The following ALG6 variants were observed in gnomAD, a reference collection of about 807,000 sequenced individuals.
ALG6 encodes ALG6 alpha-1,3-glucosyltransferase.
A neutral mutation model predicts 66.6 loss-of-function variants in ALG6; 46 were observed. The observed-to-expected ratio is 0.69, with a 90% CI of 0.55 to 0.88. ALG6 has a LOEUF of 0.88. ALG6 is among the 40% of genes least tolerant of loss of function. ALG6 has a pLI of 0.00. For missense variants in ALG6, 505 were observed against 586.8 expected (o/e 0.86, Z 1.44); for synonymous variants, 185 against 203.7 (o/e 0.91, Z 0.78).
intron 2 of ALG6, among the ~76,000 whole-genome samples, chr1:63,375,354 C>T (rs1048682137): frequency 3.3e-5 from 5 of 151,882 alleles, no homozygotes; most frequent in Non-Finnish European, 5.9e-5. Context: ...AAGCAATTCT[C>T]CTGCCTCAGC....
In ALG6 at chr1:63,389,746, G is replaced by A. The variant is rs202137105; in HGVS notation, c.83-6767G>A. The stretch of plus-strand genomic sequence containing the variant: ...GCTTTCCAAGTATTCAAAGGGAGTT[G>A]AGTGTTGTCATCCATGGTCGCTGCA... On this transcript the variant is annotated intron_variant, in intron 2 of 14. Transcript: ENST00000263440. Among the ~76,000 whole-genome samples the A allele has an allele frequency of 1.5e-4, 23 of 152,276 alleles. No homozygotes were observed. The East Asian group carries it at 3.9e-3, about 26-fold the overall frequency.
At chr1:63,405,159 T>A (rs1435663815) in intron 5 of ALG6, among the ~76,000 whole-genome samples, 1 of 152,128 alleles carries the variant, frequency 6.6e-6, no homozygotes, top group Non-Finnish European at 1.5e-5. Flanking sequence ...GAGTTTGTTC[T>A]CCTTACAATT....
At chr1:63,419,525 A>G (rs1306555935) in intron 12 of ALG6, 85 bp downstream of exon 12, 6 of 918,216 alleles carry the variant, frequency 6.5e-6, no homozygotes, top group Admixed American at 2.3e-5. Context: ...TGAATGCAAA[A>G]CAAAACTACA....
chr1:63,408,151 G>A (rs374282366), intron 7 of ALG6, among the ~76,000 whole-genome samples: 1 of 152,062 alleles, frequency 6.6e-6, no homozygotes, highest in African/African-American at 2.4e-5. Flanking sequence ...AACTACCCTT[G>A]TACACCTCCC....
At chr1:63,397,208 T>A (rs983277753) in intron 3 of ALG6, among the ~76,000 whole-genome samples, 5 of 151,844 alleles carry the variant, frequency 3.3e-5, no homozygotes, top group African/African-American at 1.2e-4. Flanking sequence ...TTTTTTGAGA[T>A]GGAGTCTCAC....
intron 3 of ALG6, among the ~76,000 whole-genome samples, chr1:63,398,755 T>C (rs1182491210): frequency 6.6e-6 from 1 of 152,112 alleles, no homozygotes; most frequent in Non-Finnish European, 1.5e-5. Flanking sequence ...GATTACAGGC[T>C]TGAGCCACCG....
chr1:63,402,390 C>A, intron 4 of ALG6, 47 bp downstream of exon 4: 1 of 1,275,518 alleles, frequency 7.8e-7, no homozygotes, highest in Non-Finnish European at 1.1e-6. Flanking sequence ...ATGCCCTTGG[C>A]AGATTTAGTA....
In ALG6 at chr1:63,400,325, A is replaced by G. The variant is rs1315580209; in HGVS notation, c.168-1929A>G. ...TATATATGTATATATATATACGTATATATATATATACGTATATATATATGT... is the reference window on the plus strand; with the variant it reads ...TATATATGTATATATATATACGTATGTATATATATACGTATATATATATGT... On this transcript the variant is annotated intron_variant, in intron 3 of 14. Coordinates refer to ENST00000263440, the MANE Select transcript of ALG6 (RefSeq NM_013339.4). 6.6e-4 allele frequency among the ~76,000 whole-genome samples: 17 copies of G among 25,676 alleles called. 3 individuals carry two copies. In the South Asian group the frequency reaches 0.011, roughly 16 times the overall value. 16.8% of individuals were successfully genotyped at this position (25,676 alleles called of 152,430 possible). A position where few individuals can be genotyped will look rare whatever the true frequency, so the allele number is the denominator to read the frequency against.
chr1:63,372,261 ATAACT>A (rs1358938902), intron 2 of ALG6, among the ~76,000 whole-genome samples: 1 of 152,210 alleles, frequency 6.6e-6, no homozygotes, highest in Admixed American at 6.5e-5. Flanking sequence ...TTGTAGAAAA[ATAACT>A]TATGTTAGTG....
At chr1:63,371,183 G>A in intron 2 of ALG6, 124 bp downstream of exon 2, 1 of 684,342 alleles carries the variant, frequency 1.5e-6, no homozygotes, top group Non-Finnish European at 2.6e-6. Flanking sequence ...TGATATGGTT[G>A]AGAAAATACA....
intron 2 of ALG6, among the ~76,000 whole-genome samples, chr1:63,381,458 C>T (rs1648303984): frequency 6.6e-6 from 1 of 151,812 alleles, no homozygotes; most frequent in South Asian, 2.1e-4. Context: ...TCTCAAAAGA[C>T]AAAAACAAAT....
intron 10 of ALG6, among the ~76,000 whole-genome samples, chr1:63,414,754 A>C (rs6689283): frequency 0.54 from 82,718 of 152,026 alleles, 22,989 homozygotes; most frequent in East Asian, 0.68. Context: ...TCCAAGAAGT[A>C]GGAGTAGGAG....
rs538533274 is a variant in ALG6, at chr1:63,423,220, C to T, written c.1058+3780C>T. Among the ~76,000 whole-genome samples, 4 of 152,186 alleles carry T rather than the reference C, an allele frequency of 2.6e-5. No homozygotes were observed. In the East Asian group the frequency reaches 7.8e-4, roughly 30 times the overall value. Reference sequence around the variant, plus strand: ...TGTATTTTTGGAAGAGAAAGGGTTTCACCATGTTGGCCAGGCTGGTCTCGA... The same window carrying T: ...TGTATTTTTGGAAGAGAAAGGGTTTTACCATGTTGGCCAGGCTGGTCTCGA... On this transcript the variant is annotated intron_variant, in intron 12 of 14. Transcript: ENST00000263440.
At chr1:63,381,180 C>T (rs1457295162) in intron 2 of ALG6, among the ~76,000 whole-genome samples, 3 of 151,962 alleles carry the variant, frequency 2.0e-5, no homozygotes, top group African/African-American at 7.3e-5. Context: ...ATTGGCCAGG[C>T]GCGGTGGCTC....
In ALG6 at chr1:63,411,231, T is replaced by G; in HGVS notation, c.580T>G (p.Cys194Gly). 1 of 1,614,034 alleles carries G rather than the reference T, an allele frequency of 6.2e-7. No individual in the cohort carries two copies. Among genetic ancestry groups the G allele is most frequent in the Non-Finnish European group, 8.5e-7 (1 of 1,179,926 alleles). ...DCDLLGSLAF[C>G]LAINYKQMEL... ...CGACCTCCTAGGGTCACTGGCATTT[T>G]GCTTAGCTATAAATTATAAACAGAT... Residue 194 changes from cysteine (C) to glycine (G), a missense_variant, in exon 8 of 15, where the codon TGC becomes GGC. Cys to Gly is a radical substitution (Grantham distance 159). Transcript: ENST00000263440.
rs375706378 is a variant in ALG6 at position 63,407,022 on chromosome 1, A to G, written c.430-40A>G. On this transcript the variant is annotated intron_variant, in intron 6 of 14. Coordinates refer to ENST00000263440, the MANE Select transcript of ALG6 (RefSeq NM_013339.4). ...CACTTTTACCCTGCTTGATTTGTGTAACAGATTACTTTCTTATCTCACAAT... is the reference window on the plus strand; with the variant it reads ...CACTTTTACCCTGCTTGATTTGTGTGACAGATTACTTTCTTATCTCACAAT... 6.1e-6 allele frequency: 9 copies of G among 1,481,426 alleles called. No individual in the cohort carries two copies. The African/African-American group carries it at 1.2e-4, about 21-fold the overall frequency. 91.8% of individuals were successfully genotyped at this position (1,481,426 alleles called of 1,614,324 possible). A position where few individuals can be genotyped will look rare whatever the true frequency, so the allele number is the denominator to read the frequency against.
chr1:63,377,818 T>C (rs914412029), intron 2 of ALG6, among the ~76,000 whole-genome samples: 1 of 152,172 alleles, frequency 6.6e-6, no homozygotes, highest in Non-Finnish European at 1.5e-5. Context: ...ATTGCAGCCT[T>C]GACTTCCTGG....
intron 1 of ALG6, 33 bp from the exon 2 acceptor site, chr1:63,370,738 G>A: frequency 1.9e-6 from 1 of 523,146 alleles, no homozygotes; most frequent in Non-Finnish European, 3.4e-6. Context: ...ACTGTACTCA[G>A]CTGAATCTTG....
In ALG6 at chr1:63,429,023, T is replaced by C; in HGVS notation, c.1223T>C (p.Phe408Ser). The change falls in exon 14 of 15, where the codon TTT becomes TCT. Residue 408 changes from phenylalanine to serine, a missense_variant. By Grantham distance (155) the Phe-to-Ser change is radical. Coordinates refer to ENST00000263440, the MANE Select transcript of ALG6 (RefSeq NM_013339.4). ...FIACVTSFSI[F>S]EKTSEEELQL... ...GCTTGTGTAACTTCCTTTTCAATATTTGAAAAGACTTCTGAAGAAGAACTG... is the reference window on the plus strand; with the variant it reads ...GCTTGTGTAACTTCCTTTTCAATATCTGAAAAGACTTCTGAAGAAGAACTG... The C allele has an allele frequency of 1.2e-6, 2 of 1,610,012 alleles. No individual in the cohort carries two copies. Among genetic ancestry groups the C allele is most frequent in the Non-Finnish European group, 1.7e-6 (2 of 1,178,640 alleles).
Sources: gnomAD v4.1 joint callset for allele counts (sites outside exome capture counted in the v4.1 genomes callset) on GRCh38, gnomAD v4.1.1 for gene constraint, MANE v1.5 for transcripts, NCBI Gene and HGNC (gene_info 2026-07-23, HGNC 2026-07-21) for gene names.